The following NUTM1 variants were observed in gnomAD, a reference collection of about 807,000 sequenced individuals.
NUTM1 encodes NUT midline carcinoma family member 1.
Under a neutral mutation model 88.7 loss-of-function variants are expected in NUTM1, and 39 were observed. The ratio of observed to expected loss-of-function variants is 0.44; its 90% CI spans 0.34 to 0.57. NUTM1 has a LOEUF of 0.57. NUTM1 is among the 20% of genes least tolerant of loss of function. The probability of loss-of-function intolerance (pLI) is 0.01; values close to 1 mark genes in which losing one functional copy is unlikely to be tolerated. For missense variants in NUTM1, 1,350 were observed against 1,414.5 expected, an observed-to-expected ratio of 0.95 and a Z score of 0.73; for synonymous variants, 494 against 538.0, an observed-to-expected ratio of 0.92 and a Z score of 1.13.
At chr15:34,345,225 C>T (rs1890565393) in intron 1 of NUTM1, among the ~76,000 whole-genome samples, 1 of 152,038 alleles carries the variant, frequency 6.6e-6, no homozygotes, top group Admixed American at 6.6e-5. Context: ...CTGAAATAGT[C>T]GCCAGGAACC....
Position 34,356,282 on chromosome 15 carries a change from T to A in NUTM1, c.2274T>A (p.Ala758=), listed in dbSNP as rs758557237. The change falls in exon 8 of 8, where the codon GCT becomes GCA. Residue 758 remains alanine (A), a synonymous_variant. Coordinates refer to ENST00000537011, the MANE Select transcript of NUTM1 (RefSeq NM_001284292.2). ...PGVWLSSEMD[A]VGLELPVQIE... The stretch of plus-strand genomic sequence containing the variant: ...TTTGGCTGAGCAGTGAGATGGATGC[T>A]GTAGGCTTGGAGCTGCCTGTACAAA... 1.2e-6 allele frequency: 2 copies of A among 1,612,880 alleles called. No homozygotes were observed. Among genetic ancestry groups the A allele is most frequent in the African/African-American group, 2.7e-5 (2 of 74,870 alleles).
In NUTM1 at chr15:34,357,518, T is replaced by C; in HGVS notation, c.*27T>C. 1.9e-6 allele frequency: 3 copies of C among 1,612,448 alleles called. No homozygotes were observed. The highest frequency in any genetic ancestry group is 2.5e-6 in the Non-Finnish European group (3 of 1,179,776). On this transcript the variant is annotated 3_prime_UTR_variant, in exon 8 of 8. Transcript: ENST00000537011. ...GAGCAGCGGGACCATCTGACCCCAC[T>C]TGCCAGTCCCTAAAGGTGGGTGCCC...
rs1483738983 is a variant in NUTM1 at position 34,345,959 on chromosome 15, A to G, written c.24A>G (p.Gly8=). The part of the protein sequence containing the change: MVVTLGP[G]PDCLILEASR... Reference sequence around the variant, plus strand: ...GGAGCCAGGTTACTCTGGGTCCTGGACCTGACTGCCTCATTCTGGAGGCTT... The same window carrying G: ...GGAGCCAGGTTACTCTGGGTCCTGGGCCTGACTGCCTCATTCTGGAGGCTT... Residue 8 remains glycine, a synonymous_variant, in exon 2 of 8, where the codon GGA becomes GGG. Coordinates refer to ENST00000537011, the MANE Select transcript of NUTM1 (RefSeq NM_001284292.2). 1.2e-6 allele frequency: 2 copies of G among 1,613,948 alleles called. No individual in the cohort carries two copies. Among genetic ancestry groups the G allele is most frequent in the African/African-American group, 1.3e-5 (1 of 74,902 alleles).
rs778786955 is a variant in NUTM1, at chr15:34,352,877, CTTTTTTTT to C, written c.939-840_939-833del. Among the ~76,000 whole-genome samples the C allele has an allele frequency of 3.8e-4, 20 of 52,854 alleles. 1 individual carries two copies. In the Admixed American group the frequency reaches 4.3e-3, roughly 11 times the overall value. The allele number at this position is 52,854 out of a possible 152,430, so 34.7% of individuals were successfully genotyped here. A position where few individuals can be genotyped will look rare whatever the true frequency, so the allele number is the denominator to read the frequency against. On this transcript the variant is annotated intron_variant, in intron 4 of 7. Transcript: ENST00000537011. Reference sequence around the variant, plus strand: ...TTTACAAGCTCTAGATCATTCTTAACTTTTTTTTTTTTTTTTTTTTTTTTTTGAGACAA... The same window carrying C: ...TTTACAAGCTCTAGATCATTCTTAACTTTTTTTTTTTTTTTTTTGAGACAA...
At chr15:34,345,753 T>A in intron 1 of NUTM1, 189 bp from the exon 2 acceptor site, 1 of 705,384 alleles carries the variant, frequency 1.4e-6, no homozygotes, top group Non-Finnish European at 2.2e-6. Context: ...TGCCAAACTG[T>A]AGTTTGAAGG....
In NUTM1 at chr15:34,355,074, ACAGAGAGATCCC is replaced by A. The variant is rs1890777009; in HGVS notation, c.1417_1428del (p.Gln473_Pro476del). Reference sequence around the variant, plus strand: ...TGGCAGATCTGCTGTCCCCAGAAAAACAGAGAGATCCCTTGGCCTTAATTGAGGAGCTAGAGC... The same window carrying A: ...TGGCAGATCTGCTGTCCCCAGAAAAATTGGCCTTAATTGAGGAGCTAGAGC... On this transcript the variant is annotated inframe_deletion, in exon 7 of 8. Coordinates refer to ENST00000537011, the MANE Select transcript of NUTM1 (RefSeq NM_001284292.2). The surrounding 1 kb of genome is among the most constrained non-coding windows in gnomAD (Gnocchi z 4.3). 1 of 1,614,016 alleles carries A rather than the reference ACAGAGAGATCCC, an allele frequency of 6.2e-7. No homozygotes were observed. The highest frequency in any genetic ancestry group is 8.5e-7 in the Non-Finnish European group (1 of 1,180,006).
Position 34,348,510 on chromosome 15 carries a change from C to T in NUTM1, c.642C>T (p.Thr214=), listed in dbSNP as rs201348047. ...EKAWPGPHGT[T]GEGGPVATLS... ...CTTGGCCAGGGCCACATGGGACAAC[C>T]GGGGAAGGAGGTCCTGTGGCCACTC... The change falls in exon 3 of 8, where the codon ACC becomes ACT. Residue 214 remains threonine (T), a synonymous_variant. Coordinates refer to ENST00000537011, the MANE Select transcript of NUTM1 (RefSeq NM_001284292.2). 47 of 1,614,182 alleles carry T rather than the reference C, an allele frequency of 2.9e-5. No homozygotes were observed. Among genetic ancestry groups the T allele is most frequent in the South Asian group, 2.4e-4 (22 of 91,082 alleles).
Position 34,347,958 on chromosome 15 carries a change from T to C in NUTM1, c.101-11T>C, listed in dbSNP as rs2140153141. On this transcript the variant is annotated splice_polypyrimidine_tract_variant and intron_variant, in intron 2 of 7. Coordinates refer to ENST00000537011, the MANE Select transcript of NUTM1 (RefSeq NM_001284292.2). ...TCCTACTCCATTTCTTCTTTTTCTT[T>C]GTCTCAACAGCATCTGCATTGCCGG... 1 of 1,552,170 alleles carries C rather than the reference T, an allele frequency of 6.4e-7. No individual in the cohort carries two copies. Among genetic ancestry groups the C allele is most frequent in the South Asian group, 1.2e-5 (1 of 85,732 alleles).
At position 34,354,594 on chromosome 15, in the gene NUTM1, G is replaced by A. The variant is rs1890767507; in HGVS notation, c.1224G>A (p.Gly408=). The part of the protein sequence containing the change: ...EYVDIMEWLV[G]THLATGESDG... ...TTGACATCATGGAATGGCTGGTGGG[G>A]ACTCACTTGGCCACTGGGGAGTCAG... Residue 408 remains glycine, a synonymous_variant, in exon 6 of 8, where the codon GGG becomes GGA. Coordinates refer to ENST00000537011, the MANE Select transcript of NUTM1 (RefSeq NM_001284292.2). 2 of 1,614,198 alleles carry A rather than the reference G, an allele frequency of 1.2e-6. No individual in the cohort carries two copies. Among genetic ancestry groups the A allele is most frequent in the Non-Finnish European group, 1.7e-6 (2 of 1,180,042 alleles).
rs1566887278 is a variant in NUTM1 at position 34,346,053 on chromosome 15, G to A, written c.100+18G>A. The stretch of plus-strand genomic sequence containing the variant: ...AGATGGAGGTAAGTCTGCAGGTGGT[G>A]AGGAGGATTTCTGGTACCTGCTCAT... On this transcript the variant is annotated intron_variant, in intron 2 of 7. Coordinates refer to ENST00000537011, the MANE Select transcript of NUTM1 (RefSeq NM_001284292.2). 2 of 1,613,602 alleles carry A rather than the reference G, an allele frequency of 1.2e-6. No individual in the cohort carries two copies. Among genetic ancestry groups the A allele is most frequent in the East Asian group, 4.5e-5 (2 of 44,884 alleles).
chr15:34,350,221 A>G (rs1890680701), intron 3 of NUTM1, among the ~76,000 whole-genome samples: 1 of 152,220 alleles, frequency 6.6e-6, no homozygotes, highest in African/African-American at 2.4e-5. Flanking sequence ...TCTGTGGGGA[A>G]TATCTGGAAA....
chr15:34,353,527 A>G (rs185975007), intron 4 of NUTM1, among the ~76,000 whole-genome samples: 9 of 152,260 alleles, frequency 5.9e-5, no homozygotes, highest in African/African-American at 1.9e-4. Context: ...AGTTATGACT[A>G]TAGGGGAAGG....
rs777975996 is a variant in NUTM1, at chr15:34,348,060, C to A, written c.192C>A (p.Asp64Glu). The A allele has an allele frequency of 5.6e-6, 9 of 1,614,110 alleles. No individual in the cohort carries two copies. The South Asian group carries it at 9.9e-5, about 18-fold the overall frequency. Reference sequence around the variant, plus strand: ...TTCCCTTTCTCCCACCAACTTCTGACCCACCAGACCACCCACCCAGGGAGC... The same window carrying A: ...TTCCCTTTCTCCCACCAACTTCTGAACCACCAGACCACCCACCCAGGGAGC... ...PALPFLPPTSDPPDHPPREPP... is the reference protein window; with the variant it reads ...PALPFLPPTSEPPDHPPREPP... The change falls in exon 3 of 8, where the codon GAC (aspartate) becomes GAA (glutamate). Residue 64 changes from aspartate (D) to glutamate (E), a missense_variant. By Grantham distance (45) the Asp-to-Glu change is conservative. This residue lies in a region of NUTM1 where 399 missense variants were observed against 397.9 expected (regional missense o/e 1.00). Coordinates refer to ENST00000537011, the MANE Select transcript of NUTM1 (RefSeq NM_001284292.2).
Position 34,354,527 on chromosome 15 carries a change from A to G in NUTM1, c.1157A>G (p.Glu386Gly). 2 of 1,614,122 alleles carry G rather than the reference A, an allele frequency of 1.2e-6. No homozygotes were observed. Among genetic ancestry groups the G allele is most frequent in the Non-Finnish European group, 8.5e-7 (1 of 1,179,996 alleles). The stretch of plus-strand genomic sequence containing the variant: ...AAAGCCCAGAGACCTCCTGCTCCTG[A>G]GGCACCCAAGGAGATCCCACCAGAA... ...QRKAQRPPAP[E>G]APKEIPPEAV... Residue 386 changes from glutamate (E) to glycine (G), a missense_variant, in exon 6 of 8, where the codon GAG becomes GGG. By Grantham distance (98) the Glu-to-Gly change is moderately conservative. Around this residue, in one of 5 missense-constraint regions of NUTM1, gnomAD observed 89 missense variants for 76.0 expected, o/e 1.17. Transcript: ENST00000537011.
rs1890528848 is a variant in NUTM1, at chr15:34,343,702, G to A, written c.6G>A (p.Val2=). Residue 2 remains valine (V), a splice_region_variant and synonymous_variant, in exon 1 of 8, where the codon GTG becomes GTA. Transcript: ENST00000537011. M[V]VTLGPGPDCL... Reference sequence around the variant, plus strand: ...CAAATTCAGCGCTCTTTCTTATGGTGGTGAGTAGCTAATAATAACGTAATA... The same window carrying A: ...CAAATTCAGCGCTCTTTCTTATGGTAGTGAGTAGCTAATAATAACGTAATA... The A allele has an allele frequency of 1.3e-6, 2 of 1,533,934 alleles. No individual in the cohort carries two copies. Among genetic ancestry groups the A allele is most frequent in the Non-Finnish European group, 1.7e-6 (2 of 1,145,364 alleles).
chr15:34,355,657 GC>G lies in NUTM1; in HGVS notation c.1651del (p.Gly552GlufsTer21), dbSNP rs1257123005. ...PGLQGAGGAACLGKVSSSGKR... is the reference protein window; with the variant it reads ...PGLQGAGGAAXLGKVSSSGKR... ...CTTCAGGGGGCTGGGGGCGCCGCTT[GC>G]CTTGGAAAGGTTTCTTCTTCAGGAA... is the stretch of plus-strand genomic sequence containing the variant. On this transcript the variant is annotated frameshift_variant, in exon 8 of 8. Transcript: ENST00000537011. LOFTEE classifies it high-confidence loss of function. The surrounding 1 kb of genome is among the most constrained non-coding windows in gnomAD (Gnocchi z 4.3). The G allele has an allele frequency of 1.2e-6, 2 of 1,609,040 alleles. No individual in the cohort carries two copies. Among genetic ancestry groups the G allele is most frequent in the Non-Finnish European group, 1.7e-6 (2 of 1,177,654 alleles).
At position 34,346,881 on chromosome 15, in the gene NUTM1, TAAAAAA is replaced by T. The variant is rs10671676; in HGVS notation, c.100+867_100+872del. Among the ~76,000 whole-genome samples the T allele has an allele frequency of 2.3e-4, 8 of 34,324 alleles. No individual in the cohort carries two copies. In the East Asian group the frequency reaches 4.5e-3, roughly 19 times the overall value. The allele number at this position is 34,324 out of a possible 152,430, so 22.5% of individuals were successfully genotyped here. A position where few individuals can be genotyped will look rare whatever the true frequency, so the allele number is the denominator to read the frequency against. ...ATGGGCCACAGAGCAAGACTCCATC[TAAAAAA>T]AAAAAAAAAAAAAAAAAAAAGCAGC... On this transcript the variant is annotated intron_variant, in intron 2 of 7. Coordinates refer to ENST00000537011, the MANE Select transcript of NUTM1 (RefSeq NM_001284292.2).
Position 34,348,560 on chromosome 15 carries a change from G to C in NUTM1, c.692G>C (p.Arg231Pro). The change falls in exon 3 of 8, where the codon CGC (arginine) becomes CCC (proline). Residue 231 changes from arginine (R) to proline (P), a missense_variant. Physicochemically the swap from Arg to Pro is moderately radical, Grantham distance 103. This residue lies in a region of NUTM1 where 399 missense variants were observed against 397.9 expected (regional missense o/e 1.00). Transcript: ENST00000537011. ...ATLSKPSLGD[R>P]SKISKDVYEN... ...CTATCCAAGCCTTCCCTAGGTGACC[G>C]CTCCAAAATTTCCAAGGACGTTTAT... 1 of 1,613,760 alleles carries C rather than the reference G, an allele frequency of 6.2e-7. No homozygotes were observed. The highest frequency in any genetic ancestry group is 8.5e-7 in the Non-Finnish European group (1 of 1,180,004).
chr15:34,345,188 G>A (rs1052781862), intron 1 of NUTM1, among the ~76,000 whole-genome samples: 16 of 152,344 alleles, frequency 1.1e-4, no homozygotes, highest in African/African-American at 3.6e-4. Context: ...AGCTGTGGCT[G>A]TAGAGGATGC....
Sources: gnomAD v4.1 joint callset for allele counts (sites outside exome capture counted in the v4.1 genomes callset) on GRCh38, gnomAD v4.1.1 for gene constraint, gnomAD v4.1.1 regional missense constraint, Gnocchi (gnomAD v3.1) non-coding constraint, MANE v1.5 for transcripts, NCBI Gene and HGNC (gene_info 2026-07-23, HGNC 2026-07-21) for gene names.